Variants in SPOCK1 observed in about 807,000 individuals in gnomAD.
SPOCK1 encodes the protein SPARC (osteonectin), cwcv and kazal like domains proteoglycan 1, also known as testican-1.
A neutral mutation model predicts 55.3 loss-of-function variants in SPOCK1; 23 were observed. That is an observed-to-expected ratio of 0.42 (90% confidence interval 0.30 to 0.59). SPOCK1 has a LOEUF of 0.59. SPOCK1 is among the 20% of genes least tolerant of loss of function. SPOCK1 has a pLI of 0.22. For synonymous variants in SPOCK1, 226 were observed against 221.0 expected (o/e 1.02, Z -0.20); for missense variants, 499 against 552.5 (o/e 0.90, Z 0.97).
intron 3 of SPOCK1, among the ~76,000 whole-genome samples, chr5:137,187,938 G>C (rs914068424): frequency 6.6e-6 from 1 of 152,190 alleles, no homozygotes; most frequent in African/African-American, 2.4e-5. Flanking sequence ...TAAATTAGTG[G>C]AAGTAACAAT....
chr5:137,202,082 C>A (rs1337682286), intron 3 of SPOCK1, among the ~76,000 whole-genome samples: 3 of 152,216 alleles, frequency 2.0e-5, no homozygotes, highest in Admixed American at 6.5e-5. Flanking sequence ...GGCCAACCAT[C>A]TGAGCAGAGC....
At chr5:137,459,145 C>T (rs1753427115) in intron 2 of SPOCK1, among the ~76,000 whole-genome samples, 2 of 152,202 alleles carry the variant, frequency 1.3e-5, no homozygotes, top group African/African-American at 2.4e-5. Flanking sequence ...CTTGCTCAAA[C>T]TGAGTGGGTG....
intron 3 of SPOCK1, among the ~76,000 whole-genome samples, chr5:137,194,471 C>T (rs1239100177): frequency 2.6e-5 from 4 of 152,244 alleles, no homozygotes; most frequent in South Asian, 2.1e-4. Context: ...AGCAGAGTGG[C>T]GGGTGGAAAG....
intron 9 of SPOCK1, among the ~76,000 whole-genome samples, chr5:136,982,858 TCAGAGTAC>T (rs1246163705): frequency 4.0e-5 from 6 of 151,858 alleles, no homozygotes; most frequent in African/African-American, 9.7e-5. Flanking sequence ...TTAGATGGTT[TCAGAGTAC>T]CAGAGTACCT....
At chr5:137,441,397 G>T (rs768713179) in intron 2 of SPOCK1, among the ~76,000 whole-genome samples, 3 of 152,158 alleles carry the variant, frequency 2.0e-5, no homozygotes, top group Non-Finnish European at 4.4e-5. Flanking sequence ...GTTCTCCTTT[G>T]GGACTGGACC....
At chr5:137,230,656 ATAT>A (rs1158057684) in intron 3 of SPOCK1, among the ~76,000 whole-genome samples, 4 of 152,206 alleles carry the variant, frequency 2.6e-5, no homozygotes, top group East Asian at 3.8e-4. Flanking sequence ...TTTTCTGAAA[ATAT>A]TATAATAGGA....
intron 5 of SPOCK1, among the ~76,000 whole-genome samples, chr5:137,069,398 G>C (rs1262596321): frequency 6.6e-6 from 1 of 152,030 alleles, no homozygotes; most frequent in Non-Finnish European, 1.5e-5. Flanking sequence ...GGCATTGTGG[G>C]GGCTACACAA....
At chr5:137,107,963 A>C (rs1397515719) in intron 5 of SPOCK1, among the ~76,000 whole-genome samples, 1 of 152,204 alleles carries the variant, frequency 6.6e-6, no homozygotes, top group Non-Finnish European at 1.5e-5. Flanking sequence ...ACTAATTTTT[A>C]TGATTTTGAC....
rs1453996232 is a variant in SPOCK1 at position 137,088,751 on chromosome 5, C to T, written c.475-20922G>A. 3.3e-5 allele frequency among the ~76,000 whole-genome samples: 5 copies of T among 152,118 alleles called. No individual in the cohort carries two copies. The East Asian group carries it at 5.8e-4, about 18-fold the overall frequency. On this transcript the variant is annotated intron_variant, in intron 5 of 10. Transcript: ENST00000394945. ...TTAGCATATGATACCACATCGGTCA[C>T]AATCCCATGGTGAACCATGGCAAGG...
intron 2 of SPOCK1, among the ~76,000 whole-genome samples, chr5:137,480,829 T>G (rs1328025274): frequency 6.6e-6 from 1 of 151,592 alleles, no homozygotes; most frequent in Admixed American, 6.6e-5. Context: ...AGGAGAAGAG[T>G]TTTATGCTGC....
At chr5:137,395,922 C>A (rs13170655) in intron 2 of SPOCK1, among the ~76,000 whole-genome samples, 6,942 of 152,216 alleles carry the variant, frequency 0.046, 222 homozygotes, top group South Asian at 0.081. Context: ...GATCCCAATC[C>A]CCCCCAATAC....
chr5:137,180,852 G>A (rs1754957414), intron 3 of SPOCK1, among the ~76,000 whole-genome samples: 1 of 152,286 alleles, frequency 6.6e-6, no homozygotes, highest in South Asian at 2.1e-4. Flanking sequence ...TGAAGGAGCT[G>A]TTCATTCACC....
At chr5:137,259,569 C>G (rs1333037250) in intron 3 of SPOCK1, among the ~76,000 whole-genome samples, 1 of 151,656 alleles carries the variant, frequency 6.6e-6, no homozygotes, top group Non-Finnish European at 1.5e-5. Context: ...AGCAAACCAT[C>G]ATGGCACATG....
rs372572285 is a variant in SPOCK1 at position 137,198,077 on chromosome 5, T to C, written c.233-57383A>G. Among the ~76,000 whole-genome samples the C allele has an allele frequency of 4.6e-5, 7 of 152,324 alleles. No individual in the cohort carries two copies. In the East Asian group the frequency reaches 1.2e-3, roughly 25 times the overall value. On this transcript the variant is annotated intron_variant, in intron 3 of 10. Transcript: ENST00000394945. ...GTATTTTTCTGTTATGAAATTGGGG[T>C]CATGTGATATAAACTTTGTCATATT...
chr5:137,285,281 A>G (rs1757240028), intron 2 of SPOCK1, among the ~76,000 whole-genome samples: 1 of 152,256 alleles, frequency 6.6e-6, no homozygotes, highest in Non-Finnish European at 1.5e-5. Flanking sequence ...TGGAGAAAAT[A>G]TTAAATAAAT....
intron 4 of SPOCK1, among the ~76,000 whole-genome samples, chr5:137,115,218 T>C (rs946413527): frequency 1.3e-5 from 2 of 152,100 alleles, no homozygotes; most frequent in African/African-American, 2.4e-5. Context: ...ACCACTGCAG[T>C]GGTATCTCAG....
chr5:137,417,386 T>A (rs1347077692), intron 2 of SPOCK1, among the ~76,000 whole-genome samples: 1 of 151,040 alleles, frequency 6.6e-6, no homozygotes, highest in African/African-American at 2.4e-5. Flanking sequence ...TGAGGAAAAA[T>A]TACTGTCAAA....
intron 7 of SPOCK1, among the ~76,000 whole-genome samples, chr5:136,989,848 A>ATTAAG (rs2126962666): frequency 6.6e-6 from 1 of 152,214 alleles, no homozygotes; most frequent in African/African-American, 2.4e-5. Context: ...CAGCCTGGTC[A>ATTAAG]TTAAGTTTCT....
intron 6 of SPOCK1, among the ~76,000 whole-genome samples, chr5:137,056,159 A>G (rs979975109): frequency 3.9e-5 from 6 of 152,152 alleles, no homozygotes; most frequent in Admixed American, 6.6e-5. Flanking sequence ...GCTGTAGGAA[A>G]AGCTGGAGCT....
Sources: allele counts gnomAD v4.1 joint callset (sites outside exome capture counted in the v4.1 genomes callset), GRCh38; gene constraint gnomAD v4.1.1; transcripts MANE v1.5; gene names NCBI Gene and HGNC (gene_info 2026-07-23, HGNC 2026-07-21).